PIK3CB: variants seen among roughly 807,000 people sequenced by gnomAD.
PIK3CB encodes the protein phosphatidylinositol 4,5-bisphosphate 3-kinase catalytic subunit beta isoform.
A neutral mutation model predicts 136.8 loss-of-function variants in PIK3CB; 39 were observed. The ratio of observed to expected loss-of-function variants is 0.29; its 90% CI spans 0.22 to 0.37. PIK3CB has a LOEUF of 0.37. Ranked by LOEUF, PIK3CB falls within the 10% of genes least tolerant of loss-of-function variation. The pLI is 1.00. For synonymous variants in PIK3CB, 428 were observed against 436.6 expected (o/e 0.98, Z 0.25); for missense variants, 868 against 1,275.4 (o/e 0.68, Z 4.87).
At chr3:138,787,859 A>AT (rs763386468) in intron 2 of PIK3CB, among the ~76,000 whole-genome samples, 2 of 151,710 alleles carry the variant, frequency 1.3e-5, no homozygotes, top group Non-Finnish European at 2.9e-5. Context: ...CATACTTAAG[A>AT]TTTTTTAAGG....
chr3:138,772,304 A>C (rs1447109387), intron 2 of PIK3CB, among the ~76,000 whole-genome samples: 2 of 152,188 alleles, frequency 1.3e-5, no homozygotes, highest in African/African-American at 4.8e-5. Context: ...ACTATAAAAT[A>C]AATGTTTCTT....
intron 4 of PIK3CB, among the ~76,000 whole-genome samples, chr3:138,748,910 G>A (rs898732165): frequency 3.3e-5 from 5 of 152,108 alleles, no homozygotes; most frequent in African/African-American, 1.2e-4. Context: ...ATGTCAGTAA[G>A]GGTTGCATTG....
At chr3:138,690,934 T>C (rs1477063140) in intron 15 of PIK3CB, 66 bp downstream of exon 15, 1 of 1,239,260 alleles carries the variant, frequency 8.1e-7, no homozygotes, top group African/African-American at 1.5e-5. Context: ...TTCTATTAAA[T>C]ATATTATGCT....
chr3:138,691,542 T>G (rs2044008381), intron 14 of PIK3CB, among the ~76,000 whole-genome samples: 1 of 152,178 alleles, frequency 6.6e-6, no homozygotes, highest in Non-Finnish European at 1.5e-5. Context: ...TGAGTTCTCA[T>G]GAGATCTGAT....
intron 19 of PIK3CB, among the ~76,000 whole-genome samples, chr3:138,678,820 T>C (rs2043702445): frequency 1.3e-5 from 2 of 152,142 alleles, no homozygotes; most frequent in Admixed American, 6.6e-5. Context: ...TCAAACCTTG[T>C]ATAGATTTAC....
At chr3:138,716,893 C>CAAAA (rs376627250) in intron 8 of PIK3CB, among the ~76,000 whole-genome samples, 7 of 11,090 alleles carry the variant, frequency 6.3e-4, no homozygotes, top group African/African-American at 1.4e-3. Flanking sequence ...GATTGTGTCT[C>CAAAA]AAAAAAAAAA....
At position 138,742,627 on chromosome 3, in the gene PIK3CB, G is replaced by T. The variant is rs764909144; in HGVS notation, c.552C>A (p.Ile184=). 13 of 1,609,344 alleles carry T rather than the reference G, an allele frequency of 8.1e-6. No homozygotes were observed. In the Admixed American group the frequency reaches 1.2e-4, roughly 14 times the overall value. ...QTYPPEHEPS[I]PENLEDKLYG... ...AAAGTTTATCTTCTAAGTTTTCAGGGATGGATGGTTCATGCTCTGGTGGAT... is the reference window on the plus strand; with the variant it reads ...AAAGTTTATCTTCTAAGTTTTCAGGTATGGATGGTTCATGCTCTGGTGGAT... The change falls in exon 5 of 24, where the codon ATC becomes ATA. Residue 184 remains isoleucine, a synonymous_variant. Transcript: ENST00000674063.
chr3:138,792,023 T>A (rs899498833), intron 2 of PIK3CB, among the ~76,000 whole-genome samples: 2 of 152,108 alleles, frequency 1.3e-5, no homozygotes, highest in African/African-American at 4.8e-5. Flanking sequence ...TACAACCAAC[T>A]ATGAATCGAA....
At chr3:138,805,882 AC>A (rs1420013835) in intron 1 of PIK3CB, among the ~76,000 whole-genome samples, 4 of 151,112 alleles carry the variant, frequency 2.6e-5, no homozygotes, top group Non-Finnish European at 5.9e-5. Flanking sequence ...GGCATGCCCC[AC>A]CATGCCGGGC....
intron 16 of PIK3CB, 33 bp downstream of exon 16, chr3:138,688,842 A>G: frequency 7.1e-7 from 1 of 1,409,314 alleles, no homozygotes; most frequent in Non-Finnish European, 1.0e-6. Flanking sequence ...CTGTCAAAAA[A>G]AGAAAAAATG....
intron 5 of PIK3CB, among the ~76,000 whole-genome samples, chr3:138,738,655 G>A (rs762759552): frequency 2.6e-5 from 4 of 152,036 alleles, no homozygotes; most frequent in Non-Finnish European, 5.9e-5. Context: ...GTTTGGAATC[G>A]ATATAGCATT....
At chr3:138,832,998 C>T (rs1034041837) in intron 1 of PIK3CB, among the ~76,000 whole-genome samples, 1 of 151,324 alleles carries the variant, frequency 6.6e-6, no homozygotes, top group African/African-American at 2.4e-5. Flanking sequence ...GGCGACAGAC[C>T]GAGACCCTGC....
At position 138,803,841 on chromosome 3, in the gene PIK3CB, T is replaced by C. The variant is rs569732370; in HGVS notation, c.-121-7274A>G. Among the ~76,000 whole-genome samples, 29 of 152,324 alleles carry C rather than the reference T, an allele frequency of 1.9e-4. No homozygotes were observed. The Middle Eastern group carries it at 0.014, about 71-fold the overall frequency. The stretch of plus-strand genomic sequence containing the variant: ...TTGATTTTCAGAAAGTCTCTGTGGC[T>C]TGTCTATCTAGGAAAGTTCCAGCCT... On this transcript the variant is annotated intron_variant, in intron 1 of 23. Coordinates refer to ENST00000674063, the MANE Select transcript of PIK3CB (RefSeq NM_006219.3).
intron 19 of PIK3CB, among the ~76,000 whole-genome samples, chr3:138,672,260 G>T (rs1270944265): frequency 6.6e-6 from 1 of 151,922 alleles, no homozygotes; most frequent in Non-Finnish European, 1.5e-5. Flanking sequence ...CCAGAAACTG[G>T]GTAGGCAAGA....
intron 5 of PIK3CB, 93 bp from the exon 6 acceptor site, chr3:138,737,979 T>C (rs1273656219): frequency 8.7e-6 from 6 of 692,996 alleles, no homozygotes; most frequent in Non-Finnish European, 1.4e-5. Context: ...TATGTACAAA[T>C]GTACATAATA....
intron 13 of PIK3CB, among the ~76,000 whole-genome samples, chr3:138,696,185 T>C (rs2044134265): frequency 6.6e-6 from 1 of 151,382 alleles, no homozygotes; most frequent in South Asian, 2.1e-4. Context: ...TTTAACCTTT[T>C]TTTTTTTTTT....
At chr3:138,826,061 G>T in intron 1 of PIK3CB, 1 of 1,190,870 alleles carries the variant, frequency 8.4e-7, no homozygotes, top group South Asian at 1.3e-5. Context: ...CAAGTTTGCT[G>T]ACCTGAAGGA....
intron 21 of PIK3CB, among the ~76,000 whole-genome samples, chr3:138,660,978 G>T (rs1236829009): frequency 6.6e-6 from 1 of 152,192 alleles, no homozygotes; most frequent in African/African-American, 2.4e-5. Flanking sequence ...TCAACTGTCA[G>T]ATCTGCAGGA....
intron 5 of PIK3CB, 114 bp downstream of exon 5, chr3:138,742,444 T>C (rs2045264571): frequency 1.7e-6 from 1 of 593,754 alleles, no homozygotes; most frequent in Non-Finnish European, 3.0e-6. Context: ...TATAAAATTG[T>C]TCTTTCTAAT....
Sources: gnomAD v4.1 joint callset for allele counts (sites outside exome capture counted in the v4.1 genomes callset) on GRCh38, gnomAD v4.1.1 for gene constraint, MANE v1.5 for transcripts, NCBI Gene and HGNC (gene_info 2026-07-23, HGNC 2026-07-21) for gene names.